Variants in HCN2 observed in about 807,000 individuals in gnomAD.
HCN2 encodes the protein hyperpolarization activated cyclic nucleotide gated potassium and sodium channel 2, also known as potassium/sodium hyperpolarization-activated cyclic nucleotide-gated channel 2.
HCN2 carries 20 observed loss-of-function variants against 52.3 expected under a neutral mutation model. The ratio of observed to expected loss-of-function variants is 0.38; its 90% CI spans 0.27 to 0.56. HCN2 has a LOEUF of 0.56. Among genes scored for constraint, HCN2 ranks in the 20% least tolerant of loss-of-function variants. The pLI is 0.71. For synonymous variants in HCN2, 694 were observed against 537.0 expected, an observed-to-expected ratio of 1.29 and a Z score of -4.04; for missense variants, 981 against 1,207.7, an observed-to-expected ratio of 0.81 and a Z score of 2.78.
chr19:594,006 C>T (rs1054391579), intron 1 of HCN2, among the ~76,000 whole-genome samples: 5 of 152,182 alleles, frequency 3.3e-5, no homozygotes, highest in African/African-American at 1.2e-4. Flanking sequence ...AAAGGCCACA[C>T]AGGTCCACTT....
intron 1 of HCN2, among the ~76,000 whole-genome samples, chr19:596,071 G>C (rs1320767825): frequency 1.3e-5 from 2 of 152,254 alleles, no homozygotes; most frequent in African/African-American, 4.8e-5. Context: ...AGGAGACCTG[G>C]TGTCCTCGTG....
In HCN2 at chr19:590,595, G is replaced by C. The variant is rs1294004736; in HGVS notation, c.632+18G>C. The C allele has an allele frequency of 3.6e-6, 5 of 1,385,324 alleles. No individual in the cohort carries two copies. The East Asian group carries it at 1.5e-4, about 41-fold the overall frequency. The allele number at this position is 1,385,324 out of a possible 1,614,324, so 85.8% of individuals were successfully genotyped here. ...GACTTCAGGTACCGCCTCCGGGAGG[G>C]CCGGTCGGCGCGAGGGGGCCCGGGG... On this transcript the variant is annotated intron_variant, in intron 1 of 7. Transcript: ENST00000251287. This position sits in a 1 kb window ranked among gnomAD's most constrained non-coding sequence, Gnocchi z 7.2.
At chr19:604,327 C>T (rs140389473) in intron 2 of HCN2, among the ~76,000 whole-genome samples, 3,672 of 139,302 alleles carry the variant, frequency 0.026, 95 homozygotes, top group Middle Eastern at 0.058. Flanking sequence ...GGGTCAAGGC[C>T]CCAGGGGTGG....
chr19:609,721 C>T (rs756152777), intron 4 of HCN2, among the ~76,000 whole-genome samples: 26 of 152,192 alleles, frequency 1.7e-4, no homozygotes, highest in African/African-American at 3.9e-4. Flanking sequence ...TGCAATATGG[C>T]GAGACCTCAT....
Position 612,375 on chromosome 19 carries a change from C to A in HCN2, c.1585-873C>A, listed in dbSNP as rs372148427. On this transcript the variant is annotated intron_variant, in intron 5 of 7. Coordinates refer to ENST00000251287, the MANE Select transcript of HCN2 (RefSeq NM_001194.4). ...TTCAAAAATCACCTGATAGTCTGACCGAATGTAGCTTTCCACTGGTGTGTG... is the reference window on the plus strand; with the variant it reads ...TTCAAAAATCACCTGATAGTCTGACAGAATGTAGCTTTCCACTGGTGTGTG... 2.1e-3 allele frequency among the ~76,000 whole-genome samples: 298 copies of A among 143,278 alleles called. 4 individuals carry two copies. The highest frequency in any genetic ancestry group is 6.9e-3 in the African/African-American group (258 of 37,600). The allele number at this position is 143,278 out of a possible 152,430, so 94.0% of individuals were successfully genotyped here.
rs1208627179 is a variant in HCN2, at chr19:613,579, G to A, written c.1825+91G>A. 7 of 147,472 alleles carry A rather than the reference G, an allele frequency of 4.7e-5. No individual in the cohort carries two copies. In the East Asian group the frequency reaches 9.9e-4, roughly 21 times the overall value. The allele number at this position is 147,472 out of a possible 1,614,324, so 9.1% of individuals were successfully genotyped here. ...GGGGGCCGGGGCCGGGGCCGGGGCC[G>A]GGGATGGGGATGGGGATGGGGATGG... On this transcript the variant is annotated intron_variant, in intron 6 of 7. Coordinates refer to ENST00000251287, the MANE Select transcript of HCN2 (RefSeq NM_001194.4).
At position 592,023 on chromosome 19, in the gene HCN2, G is replaced by A. The variant is rs979536204; in HGVS notation, c.632+1446G>A. Among the ~76,000 whole-genome samples, 3 of 152,086 alleles carry A rather than the reference G, an allele frequency of 2.0e-5. No homozygotes were observed. The highest frequency in any genetic ancestry group is 1.9e-4 in the East Asian group (1 of 5,188). ...CGAAATCCCCAGAGGGGCTGTGTCC[G>A]GCCCCTCCCACCCTGCCTCTGTGCC... On this transcript the variant is annotated intron_variant, in intron 1 of 7. Coordinates refer to ENST00000251287, the MANE Select transcript of HCN2 (RefSeq NM_001194.4). The surrounding 1 kb of genome is among the most constrained non-coding windows in gnomAD (Gnocchi z 4.8).
intron 1 of HCN2, among the ~76,000 whole-genome samples, chr19:593,568 C>T (rs1024571332): frequency 6.6e-6 from 1 of 152,020 alleles, no homozygotes; most frequent in Non-Finnish European, 1.5e-5. Flanking sequence ...TGCAGTGAGC[C>T]GAGATCGCGC....
intron 1 of HCN2, among the ~76,000 whole-genome samples, chr19:596,640 T>C (rs1344915479): frequency 1.3e-5 from 2 of 152,154 alleles, no homozygotes; most frequent in Non-Finnish European, 2.9e-5. Context: ...TGCTCAGCAC[T>C]GGGGTTGGAC....
intron 5 of HCN2, among the ~76,000 whole-genome samples, chr19:611,525 T>TG (rs551465747): frequency 2.9e-4 from 44 of 152,206 alleles, no homozygotes; most frequent in South Asian, 1.2e-3. Flanking sequence ...GGAATGCCTC[T>TG]GGGGGGGCGT....
At chr19:608,560 G>A (rs1423563293) in intron 4 of HCN2, among the ~76,000 whole-genome samples, 1 of 152,080 alleles carries the variant, frequency 6.6e-6, no homozygotes, top group Non-Finnish European at 1.5e-5. Flanking sequence ...CAGGGAGGGA[G>A]GTCCAGAGCC....
intron 1 of HCN2, among the ~76,000 whole-genome samples, chr19:598,418 T>C (rs755262815): frequency 1.3e-5 from 2 of 151,960 alleles, no homozygotes; most frequent in Non-Finnish European, 2.9e-5. Flanking sequence ...GCAATCCTCC[T>C]ACCTCAGCCT....
chr19:595,298 G>A (rs1219480845), intron 1 of HCN2, among the ~76,000 whole-genome samples: 2 of 58,468 alleles, frequency 3.4e-5, no homozygotes, highest in Non-Finnish European at 6.6e-5. Context: ...CCCACCCCAC[G>A]GTTCAGCCTC....
chr19:602,400 C>T (rs1983235521), intron 1 of HCN2, among the ~76,000 whole-genome samples: 1 of 143,740 alleles, frequency 7.0e-6, no homozygotes, highest in African/African-American at 2.7e-5. Flanking sequence ...TCTCCTCCTG[C>T]GTGGACGCCC....
chr19:613,123 C>A, intron 5 of HCN2, 125 bp from the exon 6 acceptor site: 1 of 1,308,668 alleles, frequency 7.6e-7, no homozygotes, highest in Non-Finnish European at 1.0e-6. Context: ...GTTCCGGCTA[C>A]GGGGCTGAGC....
chr19:613,545 G>C, intron 6 of HCN2, 57 bp downstream of exon 6: 1 of 1,302,174 alleles, frequency 7.7e-7, no homozygotes, highest in South Asian at 1.2e-5. Context: ...CCCGCGGTGT[G>C]CAGAGCCAGG....
intron 1 of HCN2, among the ~76,000 whole-genome samples, chr19:597,062 A>C (rs1350025850): frequency 6.6e-6 from 1 of 152,186 alleles, no homozygotes; most frequent in Non-Finnish European, 1.5e-5. Context: ...TTGCGGCCCC[A>C]AGCCCTGCTT....
chr19:615,799 G>A lies in HCN2; in HGVS notation c.1995G>A (p.Lys665=), dbSNP rs751781900. Residue 665 remains lysine (K), a synonymous_variant, in exon 8 of 8, where the codon AAG becomes AAA. Coordinates refer to ENST00000251287, the MANE Select transcript of HCN2 (RefSeq NM_001194.4). ...VAIDRLDRIG[K]KNSILLHKVQ... ...CTAACGCCCCCTCTCCCGCAGGCAA[G>A]AAGAATTCCATCCTCCTGCACAAGG... 16 of 1,611,414 alleles carry A rather than the reference G, an allele frequency of 9.9e-6. No individual in the cohort carries two copies. The highest frequency in any genetic ancestry group is 1.3e-5 in the African/African-American group (1 of 74,738).
At chr19:612,060 G>T (rs919965681) in intron 5 of HCN2, among the ~76,000 whole-genome samples, 1 of 151,974 alleles carries the variant, frequency 6.6e-6, no homozygotes, top group Non-Finnish European at 1.5e-5. Context: ...CAGGAGAATC[G>T]CTTGAACCCA....
Sources: gnomAD v4.1 joint callset for allele counts (sites outside exome capture counted in the v4.1 genomes callset) on GRCh38, gnomAD v4.1.1 for gene constraint, Gnocchi (gnomAD v3.1) non-coding constraint, MANE v1.5 for transcripts, NCBI Gene and HGNC (gene_info 2026-07-23, HGNC 2026-07-21) for gene names.